Variants in MAML2 observed in about 807,000 individuals in gnomAD.
MAML2 encodes mastermind-like protein 2.
A neutral mutation model predicts 96.1 loss-of-function variants in MAML2; 22 were observed. The ratio of observed to expected loss-of-function variants is 0.23; its 90% CI spans 0.16 to 0.33. MAML2 has a LOEUF of 0.33. Among genes scored for constraint, MAML2 ranks in the 10% least tolerant of loss-of-function variants. The probability of loss-of-function intolerance (pLI) is 1.00; values close to 1 mark genes in which losing one functional copy is unlikely to be tolerated. For synonymous variants in MAML2, 561 were observed against 521.3 expected (o/e 1.08, Z -1.04); for missense variants, 1,367 against 1,392.4 (o/e 0.98, Z 0.29).
chr11:96,047,527 G>A (rs1458494636), intron 2 of MAML2, among the ~76,000 whole-genome samples: 2 of 152,090 alleles, frequency 1.3e-5, no homozygotes. Flanking sequence ...TTGGCATGTA[G>A]TAAGCATCCA....
At chr11:96,203,094 G>T (rs774983616) in intron 1 of MAML2, among the ~76,000 whole-genome samples, 4 of 151,998 alleles carry the variant, frequency 2.6e-5, no homozygotes, top group Non-Finnish European at 4.4e-5. Flanking sequence ...AACATATCAG[G>T]CTACAATAAT....
chr11:96,081,908 A>T (rs1164747548), intron 2 of MAML2, among the ~76,000 whole-genome samples: 2 of 152,238 alleles, frequency 1.3e-5, no homozygotes, highest in Non-Finnish European at 2.9e-5. Context: ...ATTCTCAATA[A>T]TGTATATTTT....
chr11:96,238,212 A>G (rs1220043778), intron 1 of MAML2, among the ~76,000 whole-genome samples: 1 of 152,220 alleles, frequency 6.6e-6, no homozygotes, highest in African/African-American at 2.4e-5. Flanking sequence ...ACTATTACAG[A>G]GTCTGATTTA....
chr11:96,268,022 C>G (rs958051980), intron 1 of MAML2, among the ~76,000 whole-genome samples: 1 of 152,202 alleles, frequency 6.6e-6, no homozygotes, highest in African/African-American at 2.4e-5. Context: ...ATGGAGATGG[C>G]TTTCTTTTGT....
chr11:96,317,055 G>A (rs747946997), intron 1 of MAML2, among the ~76,000 whole-genome samples: 5 of 152,136 alleles, frequency 3.3e-5, no homozygotes, highest in Non-Finnish European at 5.9e-5. Context: ...GGTTTTACTC[G>A]TCCTTCAGCT....
intron 1 of MAML2, among the ~76,000 whole-genome samples, chr11:96,209,572 T>C (rs573471871): frequency 2.8e-5 from 4 of 144,578 alleles, no homozygotes; most frequent in African/African-American, 7.9e-5. Context: ...TGAAATTCCA[T>C]CTCTAAAACA....
intron 2 of MAML2, among the ~76,000 whole-genome samples, chr11:96,076,145 G>A (rs560435707): frequency 1.4e-4 from 21 of 152,150 alleles, no homozygotes; most frequent in Admixed American, 1.1e-3. Flanking sequence ...CCTCATAGTC[G>A]TTTGAAATAT....
intron 1 of MAML2, among the ~76,000 whole-genome samples, chr11:96,252,105 G>A (rs1862589889): frequency 6.6e-6 from 1 of 151,954 alleles, no homozygotes; most frequent in Non-Finnish European, 1.5e-5. Flanking sequence ...ATTTCCAATT[G>A]GGTCTAAATA....
At chr11:96,293,587 A>G (rs1863246106) in intron 1 of MAML2, among the ~76,000 whole-genome samples, 1 of 152,246 alleles carries the variant, frequency 6.6e-6, no homozygotes, top group African/African-American at 2.4e-5. Flanking sequence ...TAGCAACAGT[A>G]ACAACAGCAA....
intron 2 of MAML2, among the ~76,000 whole-genome samples, chr11:96,006,824 C>A (rs11021379): frequency 6.7e-6 from 1 of 149,642 alleles, no homozygotes; most frequent in Non-Finnish European, 1.5e-5. Context: ...CCTCCCAAAG[C>A]GCTGAGATTA....
chr11:96,128,398 G>A (rs894850527), intron 1 of MAML2, among the ~76,000 whole-genome samples: 4 of 151,588 alleles, frequency 2.6e-5, no homozygotes, highest in Admixed American at 1.3e-4. Flanking sequence ...GCTCAGTCTC[G>A]GGAAAAAAAA....
At chr11:96,073,019 C>T (rs1250837660) in intron 2 of MAML2, among the ~76,000 whole-genome samples, 2 of 152,178 alleles carry the variant, frequency 1.3e-5, no homozygotes, top group East Asian at 3.9e-4. Flanking sequence ...TATTTCCAAT[C>T]TGTGAGGACT....
intron 2 of MAML2, among the ~76,000 whole-genome samples, chr11:96,050,408 G>A (rs1337966450): frequency 6.6e-6 from 1 of 152,224 alleles, no homozygotes; most frequent in East Asian, 1.9e-4. Context: ...TGGCATATAT[G>A]AGATGTAAGA....
rs117173361 is a variant in MAML2 at position 96,106,813 on chromosome 11, T to G, written c.514-13296A>C. On this transcript the variant is annotated intron_variant, in intron 1 of 4. Coordinates refer to ENST00000524717, the MANE Select transcript of MAML2 (RefSeq NM_032427.4). ...AGGATTGATGCCACTGGGACTTAACTCCCCCCTACCCAAAACATACATTTC... is the reference window on the plus strand; with the variant it reads ...AGGATTGATGCCACTGGGACTTAACGCCCCCCTACCCAAAACATACATTTC... 2.9e-3 allele frequency among the ~76,000 whole-genome samples: 433 copies of G among 151,724 alleles called. 5 individuals are homozygous for G. Among genetic ancestry groups the G allele is most frequent in the African/African-American group, 9.9e-3 (409 of 41,158 alleles).
chr11:96,171,400 A>G (rs1356122287), intron 1 of MAML2, among the ~76,000 whole-genome samples: 1 of 151,912 alleles, frequency 6.6e-6, no homozygotes, highest in African/African-American at 2.4e-5. Context: ...TGTGTTCAAG[A>G]TATTATATTT....
chr11:96,120,058 C>T (rs1286405640), intron 1 of MAML2, among the ~76,000 whole-genome samples: 8 of 148,248 alleles, frequency 5.4e-5, no homozygotes, highest in Non-Finnish European at 1.0e-4. Flanking sequence ...CCCAGGTTCA[C>T]GCCATTCTCC....
intron 1 of MAML2, among the ~76,000 whole-genome samples, chr11:96,249,583 C>T (rs955698736): frequency 1.1e-4 from 17 of 152,110 alleles, no homozygotes; most frequent in African/African-American, 3.6e-4. Context: ...TCTAGCTGCA[C>T]GAGTCACACA....
chr11:96,282,040 G>A (rs1863075066), intron 1 of MAML2, among the ~76,000 whole-genome samples: 2 of 152,042 alleles, frequency 1.3e-5, no homozygotes, highest in South Asian at 2.1e-4. Flanking sequence ...ACGAGGTCAG[G>A]AGATTGAGAC....
At chr11:96,227,573 A>G (rs538567665) in intron 1 of MAML2, among the ~76,000 whole-genome samples, 16 of 152,318 alleles carry the variant, frequency 1.1e-4, no homozygotes, top group Non-Finnish European at 2.1e-4. Flanking sequence ...TACAAACACC[A>G]TAATCTCACT....
Sources: gnomAD v4.1 joint callset for allele counts (sites outside exome capture counted in the v4.1 genomes callset) on GRCh38, gnomAD v4.1.1 for gene constraint, MANE v1.5 for transcripts, NCBI Gene and HGNC (gene_info 2026-07-23, HGNC 2026-07-21) for gene names.